GALNT17: variants seen among roughly 807,000 people sequenced by gnomAD.
GALNT17 encodes UDP-GalNAc:polypeptide N-acetylgalactosaminyltransferase-like 3.
In GALNT17, 29 loss-of-function variants were observed where a neutral mutation model predicts 63.7. The observed-to-expected ratio is 0.46, with a 90% confidence interval of 0.34 to 0.62. The LOEUF is 0.62. Ranked by LOEUF, GALNT17 falls within the 20% of genes least tolerant of loss-of-function variation. The pLI, the probability that GALNT17 is intolerant of heterozygous loss-of-function variation, is 0.01. For synonymous variants in GALNT17, 305 were observed against 318.3 expected (o/e 0.96, Z 0.45); for missense variants, 603 against 799.6 (o/e 0.75, Z 2.97).
chr7:71,531,107 T>G (rs983263890), intron 5 of GALNT17, among the ~76,000 whole-genome samples: 1 of 152,208 alleles, frequency 6.6e-6, no homozygotes, highest in African/African-American at 2.4e-5. Flanking sequence ...AACCATTTTA[T>G]TGTGATATAA....
chr7:71,594,104 G>C (rs2116922594), intron 6 of GALNT17, among the ~76,000 whole-genome samples: 1 of 151,900 alleles, frequency 6.6e-6, no homozygotes, highest in African/African-American at 2.4e-5. Context: ...CCATCTCTTT[G>C]GGCTTAAATG....
At chr7:71,612,872 G>A (rs1372245029) in intron 6 of GALNT17, among the ~76,000 whole-genome samples, 1 of 152,204 alleles carries the variant, frequency 6.6e-6, no homozygotes, top group Non-Finnish European at 1.5e-5. Context: ...CGGTTTGCCA[G>A]TCCCCATCAA....
At chr7:71,668,613 A>G (rs780414074) in intron 7 of GALNT17, among the ~76,000 whole-genome samples, 3 of 151,618 alleles carry the variant, frequency 2.0e-5, no homozygotes, top group East Asian at 1.9e-4. Context: ...TTGAGGTTGA[A>G]TAAGTTTGAC....
At chr7:71,555,009 C>T in intron 5 of GALNT17, among the ~76,000 whole-genome samples, 1 of 152,002 alleles carries the variant, frequency 6.6e-6, no homozygotes, top group Non-Finnish European at 1.5e-5. Context: ...AGGCTTCAGA[C>T]ATCTTCAGTC....
Position 71,659,633 on chromosome 7 carries a change from A to C in GALNT17, c.1081-5778A>C, listed in dbSNP as rs114734880. Among the ~76,000 whole-genome samples the C allele has an allele frequency of 7.8e-3, 1,184 of 152,358 alleles. 22 individuals carry two copies. Among genetic ancestry groups the C allele is most frequent in the African/African-American group, 0.026 (1,093 of 41,588 alleles). On this transcript the variant is annotated intron_variant, in intron 6 of 10. Coordinates refer to ENST00000333538, the MANE Select transcript of GALNT17 (RefSeq NM_022479.3). ...GGGTTGTGTGAGACATCACTTCTGC[A>C]TTCTGTTAATCAGTGCAAGTCATAA...
At chr7:71,402,948 A>C (rs1793266468) in intron 3 of GALNT17, among the ~76,000 whole-genome samples, 2 of 152,160 alleles carry the variant, frequency 1.3e-5, no homozygotes, top group Admixed American at 6.5e-5. Context: ...CCTGCCTGTA[A>C]AGAGCCTTCC....
intron 6 of GALNT17, among the ~76,000 whole-genome samples, chr7:71,581,186 C>A (rs1789630498): frequency 6.6e-6 from 1 of 152,068 alleles, no homozygotes; most frequent in Admixed American, 6.6e-5. Context: ...GAGACATAGT[C>A]TCTCGCCCTG....
At chr7:71,322,547 A>C (rs1348604510) in intron 1 of GALNT17, among the ~76,000 whole-genome samples, 3 of 152,194 alleles carry the variant, frequency 2.0e-5, no homozygotes, top group Admixed American at 6.5e-5. Flanking sequence ...GAGACCTCTT[A>C]GTCCTTGTTT....
At chr7:71,523,792 AAAAG>A (rs1308607170) in intron 5 of GALNT17, among the ~76,000 whole-genome samples, 1 of 148,586 alleles carries the variant, frequency 6.7e-6, no homozygotes, top group Non-Finnish European at 1.5e-5. Flanking sequence ...AATAATAAAG[AAAAG>A]AAAGAAATAC....
rs182208133 is a variant in GALNT17, at chr7:71,185,800, C to A, written c.238+52760C>A. On this transcript the variant is annotated intron_variant, in intron 1 of 10. Coordinates refer to ENST00000333538, the MANE Select transcript of GALNT17 (RefSeq NM_022479.3). ...GGGATTACAGGCGTGAGCCACTGCGCCCGGCCCCCATTCTGTAATTTTCTA... is the reference window on the plus strand; with the variant it reads ...GGGATTACAGGCGTGAGCCACTGCGACCGGCCCCCATTCTGTAATTTTCTA... Among the ~76,000 whole-genome samples the A allele has an allele frequency of 4.5e-4, 68 of 152,336 alleles. No homozygotes were observed. In the Middle Eastern group the frequency reaches 0.024, roughly 53 times the overall value.
At chr7:71,520,299 G>A (rs751734730) in intron 5 of GALNT17, among the ~76,000 whole-genome samples, 17 of 152,048 alleles carry the variant, frequency 1.1e-4, no homozygotes, top group Non-Finnish European at 1.9e-4. Context: ...CGAGGTGAGC[G>A]GATCACCTGA....
intron 3 of GALNT17, among the ~76,000 whole-genome samples, chr7:71,389,872 G>A (rs1190201322): frequency 6.6e-6 from 1 of 152,144 alleles, no homozygotes; most frequent in African/African-American, 2.4e-5. Flanking sequence ...AGGAATGATG[G>A]CTCAATGAAA....
chr7:71,182,965 G>C (rs1788760536), intron 1 of GALNT17, among the ~76,000 whole-genome samples: 1 of 152,230 alleles, frequency 6.6e-6, no homozygotes, highest in South Asian at 2.1e-4. Context: ...TTTGGATGCA[G>C]AGGGCAATTG....
chr7:71,195,874 T>C (rs890732924), intron 1 of GALNT17, among the ~76,000 whole-genome samples: 2 of 152,074 alleles, frequency 1.3e-5, no homozygotes, highest in African/African-American at 2.4e-5. Flanking sequence ...TGAGTAGCCA[T>C]AGATTAATAC....
chr7:71,366,636 C>G (rs1207813764), intron 2 of GALNT17, among the ~76,000 whole-genome samples: 1 of 152,158 alleles, frequency 6.6e-6, no homozygotes, highest in African/African-American at 2.4e-5. Flanking sequence ...TCTCTCTCTT[C>G]TCAGCAAAGG....
intron 1 of GALNT17, among the ~76,000 whole-genome samples, chr7:71,191,127 CACAT>C (rs1464154251): frequency 6.6e-6 from 1 of 152,254 alleles, no homozygotes; most frequent in South Asian, 2.1e-4. Flanking sequence ...TTTTGAGAAA[CACAT>C]ACATTTATGT....
At chr7:71,596,094 A>G (rs1283261008) in intron 6 of GALNT17, among the ~76,000 whole-genome samples, 1 of 152,188 alleles carries the variant, frequency 6.6e-6, no homozygotes, top group Non-Finnish European at 1.5e-5. Context: ...GCTGGAGTGC[A>G]GTGGCACAAT....
intron 6 of GALNT17, among the ~76,000 whole-genome samples, chr7:71,605,070 T>G (rs895312227): frequency 6.6e-6 from 1 of 152,160 alleles, no homozygotes; most frequent in African/African-American, 2.4e-5. Context: ...GGGCTGTCCC[T>G]TCAGAAACTA....
At chr7:71,204,880 G>A (rs1193328293) in intron 1 of GALNT17, among the ~76,000 whole-genome samples, 1 of 151,804 alleles carries the variant, frequency 6.6e-6, no homozygotes, top group East Asian at 1.9e-4. Context: ...CAAGTAGCTG[G>A]GATTATAGGT....
Sources: allele counts gnomAD v4.1 joint callset (sites outside exome capture counted in the v4.1 genomes callset), GRCh38; gene constraint gnomAD v4.1.1; transcripts MANE v1.5; gene names NCBI Gene and HGNC (gene_info 2026-07-23, HGNC 2026-07-21).